The following RUNX2 variants were observed in gnomAD, a reference collection of about 807,000 sequenced individuals.
RUNX2 encodes the protein runt-related transcription factor 2.
RUNX2 carries 10 observed loss-of-function variants against 51.7 expected under a neutral mutation model. The ratio of observed to expected loss-of-function variants is 0.19; its 90% confidence interval spans 0.12 to 0.33. RUNX2 has a LOEUF of 0.33. RUNX2 is among the 10% of genes least tolerant of loss of function. The pLI is 1.00. For missense variants in RUNX2, 562 were observed against 691.3 expected (o/e 0.81, Z 2.10); for synonymous variants, 276 against 273.6 (o/e 1.01, Z -0.09).
At chr6:45,369,284 T>G (rs567638719) in intron 2 of RUNX2, among the ~76,000 whole-genome samples, 2 of 152,228 alleles carry the variant, frequency 1.3e-5, no homozygotes, top group African/African-American at 4.8e-5. Flanking sequence ...TGCAATACCT[T>G]TTGAAACAAT....
chr6:45,443,880 A>T (rs764360432), intron 5 of RUNX2, among the ~76,000 whole-genome samples: 138 of 152,204 alleles, frequency 9.1e-4, no homozygotes, highest in Non-Finnish European at 1.7e-3. Flanking sequence ...TTCAATTTTT[A>T]AAATTTTTTT....
At chr6:45,338,984 G>A (rs1789191676) in intron 2 of RUNX2, among the ~76,000 whole-genome samples, 1 of 152,046 alleles carries the variant, frequency 6.6e-6, no homozygotes. Flanking sequence ...AAAATGACAT[G>A]TAATAAGCAG....
In RUNX2 at chr6:45,466,067, A is replaced by T. The variant is rs143500139; in HGVS notation, c.686-25874A>T. Among the ~76,000 whole-genome samples the T allele has an allele frequency of 6.3e-3, 964 of 152,290 alleles. 9 individuals are homozygous for T. The highest frequency in any genetic ancestry group is 0.022 in the African/African-American group (902 of 41,572). On this transcript the variant is annotated intron_variant, in intron 5 of 8. Transcript: ENST00000647337. Reference sequence around the variant, plus strand: ...AGTGGCTCATGCCTGTAATCCCAGCACTTTGGGAAGCCGAGGCGGGCGGAT... The same window carrying T: ...AGTGGCTCATGCCTGTAATCCCAGCTCTTTGGGAAGCCGAGGCGGGCGGAT...
Position 45,512,362 on chromosome 6 carries a change from G to A in RUNX2, c.976G>A (p.Gly326Ser), listed in dbSNP as rs1476037778. ...HSTTPLSSTRGTGLPAITDVP... is the reference protein window; with the variant it reads ...HSTTPLSSTRSTGLPAITDVP... The stretch of plus-strand genomic sequence containing the variant: ...TACCACCCCGCTGTCTTCCACACGG[G>A]GCACTGGGCTTCCTGCCATCACCGA... The change falls in exon 7 of 9, where the codon GGC becomes AGC. Residue 326 changes from glycine (G) to serine (S), a missense_variant. By Grantham distance (56) the Gly-to-Ser change is moderately conservative. Around this residue, in one of 5 missense-constraint regions of RUNX2, gnomAD observed 304 missense variants for 353.2 expected, o/e 0.86. Transcript: ENST00000647337. 1.2e-6 allele frequency: 2 copies of A among 1,613,964 alleles called. No individual in the cohort carries two copies. Among genetic ancestry groups the A allele is most frequent in the Non-Finnish European group, 1.7e-6 (2 of 1,180,024 alleles).
chr6:45,508,207 GTTCTTA>G (rs1318707467), intron 6 of RUNX2, among the ~76,000 whole-genome samples: 1 of 131,860 alleles, frequency 7.6e-6, no homozygotes, highest in Non-Finnish European at 1.6e-5. Context: ...CCATATGGCA[GTTCTTA>G]TATTTCCTTT....
At chr6:45,422,442 T>G in intron 2 of RUNX2, 151 bp from the exon 3 acceptor site, 24 of 642,990 alleles carry the variant, frequency 3.7e-5, no homozygotes, top group Middle Eastern at 3.0e-4. Context: ...CAAACTTGAT[T>G]TCTCACCTCC....
At chr6:45,539,167 T>C (rs1399532166) in intron 7 of RUNX2, among the ~76,000 whole-genome samples, 1 of 151,598 alleles carries the variant, frequency 6.6e-6, no homozygotes. Flanking sequence ...TCCTCAAAAT[T>C]TGGGTGGGTT....
intron 5 of RUNX2, among the ~76,000 whole-genome samples, chr6:45,487,080 GC>G (rs1441876423): frequency 6.6e-6 from 1 of 152,098 alleles, no homozygotes; most frequent in Non-Finnish European, 1.5e-5. Context: ...TTCTTCTTGT[GC>G]CCCTGAATTT....
intron 2 of RUNX2, among the ~76,000 whole-genome samples, chr6:45,345,727 C>A (rs1230124042): frequency 6.6e-6 from 1 of 152,138 alleles, no homozygotes; most frequent in Non-Finnish European, 1.5e-5. Context: ...ATTATCAATT[C>A]TTCTTAATGA....
At chr6:45,524,528 T>C (rs1276689294) in intron 7 of RUNX2, among the ~76,000 whole-genome samples, 1 of 152,094 alleles carries the variant, frequency 6.6e-6, no homozygotes, top group African/African-American at 2.4e-5. Context: ...CTATAGTTGA[T>C]GGAATAAAAA....
At chr6:45,462,315 A>G (rs1799499991) in intron 5 of RUNX2, among the ~76,000 whole-genome samples, 1 of 152,160 alleles carries the variant, frequency 6.6e-6, no homozygotes, top group South Asian at 2.1e-4. Context: ...TCCACCGTTT[A>G]CTCAACATTA....
chr6:45,546,395 T>A (rs1802401266), intron 8 of RUNX2, among the ~76,000 whole-genome samples: 2 of 152,220 alleles, frequency 1.3e-5, no homozygotes. Flanking sequence ...GACATTATTT[T>A]GGAATTTCTT....
intron 5 of RUNX2, among the ~76,000 whole-genome samples, chr6:45,479,598 G>A (rs147226056): frequency 2.9e-4 from 44 of 152,174 alleles, no homozygotes; most frequent in African/African-American, 9.6e-4. Flanking sequence ...ATATATGTAC[G>A]TATATGTGGA....
rs936417661 is a variant in RUNX2 at position 45,549,668 on chromosome 6, T to C, written c.*2363T>C. The C allele has an allele frequency of 3.6e-5, 11 of 305,408 alleles. No individual in the cohort carries two copies. Among genetic ancestry groups the C allele is most frequent in the South Asian group, 3.2e-4 (2 of 6,256 alleles). 18.9% of individuals were successfully genotyped at this position (305,408 alleles called of 1,614,324 possible). Reference sequence around the variant, plus strand: ...GGTTACACATTTCAATTTTAATTAATTGACATAAAAATGCTACCGCCAGTG... The same window carrying C: ...GGTTACACATTTCAATTTTAATTAACTGACATAAAAATGCTACCGCCAGTG... On this transcript the variant is annotated 3_prime_UTR_variant, in exon 9 of 9. Transcript: ENST00000647337.
intron 2 of RUNX2, among the ~76,000 whole-genome samples, chr6:45,414,328 A>G (rs1410572269): frequency 6.6e-6 from 1 of 152,142 alleles, no homozygotes; most frequent in Non-Finnish European, 1.5e-5. Context: ...CTTCTCCACT[A>G]TATTACAATA....
chr6:45,411,943 G>C (rs1422079662), intron 2 of RUNX2, among the ~76,000 whole-genome samples: 1 of 152,060 alleles, frequency 6.6e-6, no homozygotes, highest in Non-Finnish European at 1.5e-5. Flanking sequence ...TTTACTGTAG[G>C]ATATCTTACT....
At chr6:45,542,572 A>C (rs1802264492) in intron 7 of RUNX2, among the ~76,000 whole-genome samples, 1 of 152,206 alleles carries the variant, frequency 6.6e-6, no homozygotes, top group African/African-American at 2.4e-5. Flanking sequence ...AACCAAACTA[A>C]TTGCCCATTA....
intron 5 of RUNX2, among the ~76,000 whole-genome samples, chr6:45,443,037 T>TG (rs1491455719): frequency 2.1e-4 from 3 of 14,614 alleles, no homozygotes; most frequent in Non-Finnish European, 3.4e-4. Flanking sequence ...CAGGCCTTGC[T>TG]TTTTTTTTTT....
chr6:45,356,360 A>C (rs1283135878), intron 2 of RUNX2, among the ~76,000 whole-genome samples: 4 of 152,104 alleles, frequency 2.6e-5, no homozygotes, highest in Non-Finnish European at 5.9e-5. Flanking sequence ...ATATATGTTA[A>C]CATCTTAAAA....
Sources: allele counts gnomAD v4.1 joint callset (sites outside exome capture counted in the v4.1 genomes callset), GRCh38; gene constraint gnomAD v4.1.1; regional missense constraint gnomAD v4.1.1; transcripts MANE v1.5; gene names NCBI Gene and HGNC (gene_info 2026-07-23, HGNC 2026-07-21).